TRMT61A: variants seen among roughly 807,000 people sequenced by gnomAD.
TRMT61A encodes tRNA methyltransferase 61A.
Under a neutral mutation model 21.3 loss-of-function variants are expected in TRMT61A, and 15 were observed. The ratio of observed to expected loss-of-function variants is 0.70; its 90% CI spans 0.47 to 1.08. The LOEUF (loss-of-function observed/expected upper bound fraction) is 1.08. TRMT61A is among the 50% of genes least tolerant of loss of function. The pLI is 0.00. For missense variants in TRMT61A, 352 were observed against 426.7 expected (o/e 0.83, Z 1.54); for synonymous variants, 183 against 185.5 (o/e 0.99, Z 0.11).
rs200587171 is a variant in TRMT61A at position 103,534,551 on chromosome 14, C to T, written c.600C>T (p.Gly200=). 2.3e-4 allele frequency: 360 copies of T among 1,551,624 alleles called. No homozygotes were observed. The East Asian group carries it at 7.1e-3, about 30-fold the overall frequency. Residue 200 remains glycine (G), a splice_region_variant and synonymous_variant, in exon 4 of 4, where the codon GGC becomes GGT. Transcript: ENST00000389749. ...GHAWDALKVE[G]GRFCSFSPCI... The stretch of plus-strand genomic sequence containing the variant: ...ACCCTCGGGTCCTGTTTCCCACAGG[C>T]GGGCGCTTCTGCTCCTTCTCACCGT...
At chr14:103,534,404 T>C (rs1238491132) in intron 3 of TRMT61A, 146 bp from the exon 4 acceptor site, 2 of 955,996 alleles carry the variant, frequency 2.1e-6, no homozygotes, top group African/African-American at 3.4e-5. Flanking sequence ...TGCCCTGCAG[T>C]CCCAGCTCTT....
chr14:103,533,177 C>T (rs1390174856), intron 3 of TRMT61A, among the ~76,000 whole-genome samples: 1 of 152,224 alleles, frequency 6.6e-6, no homozygotes, highest in African/African-American at 2.4e-5. Flanking sequence ...CAAAACCTCT[C>T]CTCCCCCAGG....
chr14:103,534,516 CT>C, intron 3 of TRMT61A, 33 bp from the exon 4 acceptor site: 1 of 1,531,394 alleles, frequency 6.5e-7, no homozygotes, highest in Non-Finnish European at 8.8e-7. Context: ...TCTGCCACCC[CT>C]GCCCTCTGAC....
Position 103,532,619 on chromosome 14 carries a change from C to T in TRMT61A, c.369C>T (p.Arg123=), listed in dbSNP as rs2075958388. The change falls in exon 3 of 4, where the codon CGC becomes CGT. Residue 123 remains arginine, a synonymous_variant. Transcript: ENST00000389749. ...GCTCTGTGTCCCACGCCATCATCCG[C>T]ACCATTGCACCCACGGGTCACCTGC... The part of the protein sequence containing the change: ...GSGSVSHAII[R]TIAPTGHLHT... 1 of 1,613,338 alleles carries T rather than the reference C, an allele frequency of 6.2e-7. No individual in the cohort carries two copies. The highest frequency in any genetic ancestry group is 1.1e-5 in the South Asian group (1 of 91,092).
At chr14:103,530,819 A>G (rs1397072114) in intron 2 of TRMT61A, among the ~76,000 whole-genome samples, 1 of 152,224 alleles carries the variant, frequency 6.6e-6, no homozygotes, top group Non-Finnish European at 1.5e-5. Flanking sequence ...ACCCCTGCAC[A>G]TATACAGGTG....
chr14:103,530,109 G>T lies in TRMT61A; in HGVS notation c.131G>T (p.Arg44Leu). ...ACCCAGACCCGGCATGGTGTCCTGC[G>T]GCACTCAGTTGACCTTATCGGCCGC... is the stretch of plus-strand genomic sequence containing the variant. ...AQTQTRHGVL[R>L]HSVDLIGRPF... Residue 44 changes from arginine to leucine, a missense_variant, in exon 2 of 4, where the codon CGG (arginine) becomes CTG (leucine). Physicochemically the swap from Arg to Leu is moderately radical, Grantham distance 102. Transcript: ENST00000389749. The T allele has an allele frequency of 6.2e-7, 1 of 1,612,994 alleles. No homozygotes were observed. The highest frequency in any genetic ancestry group is 1.1e-5 in the South Asian group (1 of 91,088).
At chr14:103,529,672 T>C (rs1398675613) in intron 1 of TRMT61A, among the ~76,000 whole-genome samples, 2 of 152,270 alleles carry the variant, frequency 1.3e-5, no homozygotes, top group African/African-American at 4.8e-5. Context: ...CCGGGAATCC[T>C]TGGGACCGAA....
chr14:103,530,217 T>C lies in TRMT61A; in HGVS notation c.239T>C (p.Leu80Pro). The change falls in exon 2 of 4, where the codon CTG becomes CCG. Residue 80 changes from leucine (L) to proline (P), a missense_variant. Physicochemically the swap from Leu to Pro is moderately conservative, Grantham distance 98. Transcript: ENST00000389749. ...HPTPELWTLNLPHRTQILYST... is the reference protein window; with the variant it reads ...HPTPELWTLNPPHRTQILYST... ...ACGCCCGAGCTCTGGACGCTGAACC[T>C]GCCGCACCGCACGCAGATCCTCTAC... 6.2e-7 allele frequency: 1 copy of C among 1,612,082 alleles called. No homozygotes were observed. The highest frequency in any genetic ancestry group is 2.2e-5 in the East Asian group (1 of 44,830).
rs955138783 is a variant in TRMT61A at position 103,534,362 on chromosome 14, T to G, written c.599-188T>G. 4.6e-5 allele frequency among the ~76,000 whole-genome samples: 7 copies of G among 152,262 alleles called. No homozygotes were observed. The East Asian group carries it at 1.2e-3, about 25-fold the overall frequency. ...ACATGAACAGCGGCGCCAGGCCCCA[T>G]GGGGGGCTGTCAGTTGAGGGCCAGG... On this transcript the variant is annotated intron_variant, in intron 3 of 3. Transcript: ENST00000389749.
In TRMT61A at chr14:103,530,283, G is replaced by A. The variant is rs754918409; in HGVS notation, c.305G>A (p.Arg102Gln). The change falls in exon 2 of 4, where the codon CGG (arginine) becomes CAG (glutamine). Residue 102 changes from arginine (R) to glutamine (Q), a missense_variant. Arg to Gln is a conservative substitution (Grantham distance 43). Transcript: ENST00000389749. ...IALITMMLEL[R>Q]PGSVVCESGT... ...CTCATCACCATGATGTTGGAGCTTC[G>A]GCCCGGCTCTGTGGTCTGTGAGTCT... The A allele has an allele frequency of 3.1e-6, 5 of 1,591,466 alleles. No individual in the cohort carries two copies. Among genetic ancestry groups the A allele is most frequent in the Non-Finnish European group, 4.3e-6 (5 of 1,162,098 alleles).
Position 103,532,858 on chromosome 14 carries a change from G to T in TRMT61A, c.598+10G>T. The T allele has an allele frequency of 1.3e-6, 2 of 1,539,548 alleles. No individual in the cohort carries two copies. The highest frequency in any genetic ancestry group is 1.8e-6 in the Non-Finnish European group (2 of 1,139,126). On this transcript the variant is annotated intron_variant, in intron 3 of 3. Coordinates refer to ENST00000389749, the MANE Select transcript of TRMT61A (RefSeq NM_152307.3). ...GCCCTCAAGGTCGAAGGTGCATCCG[G>T]GGTTCCGGGAGAGGTACAGCCTGGG... is the stretch of plus-strand genomic sequence containing the variant.
In TRMT61A at chr14:103,530,091, C is replaced by A; in HGVS notation, c.113C>A (p.Thr38Asn). ...GTGCAGCGTGGGGCACAGACCCAGA[C>A]CCGGCATGGTGTCCTGCGGCACTCA... Reference protein sequence around the residue: ...VRVQRGAQTQTRHGVLRHSVD... With the variant: ...VRVQRGAQTQNRHGVLRHSVD... The change falls in exon 2 of 4, where the codon ACC becomes AAC. Residue 38 changes from threonine (T) to asparagine (N), a missense_variant. Coordinates refer to ENST00000389749, the MANE Select transcript of TRMT61A (RefSeq NM_152307.3). The A allele has an allele frequency of 6.2e-7, 1 of 1,613,032 alleles. No individual in the cohort carries two copies. Among genetic ancestry groups the A allele is most frequent in the Non-Finnish European group, 8.5e-7 (1 of 1,180,006 alleles).
Position 103,535,429 on chromosome 14 carries a change from C to A in TRMT61A, c.*608C>A. On this transcript the variant is annotated 3_prime_UTR_variant, in exon 4 of 4. Coordinates refer to ENST00000389749, the MANE Select transcript of TRMT61A (RefSeq NM_152307.3). The stretch of plus-strand genomic sequence containing the variant: ...TCCTGGCTGATGTCACAGCACTGAG[C>A]TCAGCCCAGGCCTTCGTCCACTCAT... 2.3e-6 allele frequency: 1 copy of A among 441,600 alleles called. No individual in the cohort carries two copies. The highest frequency in any genetic ancestry group is 4.5e-6 in the Non-Finnish European group (1 of 220,626). 27.4% of individuals were successfully genotyped at this position (441,600 alleles called of 1,614,324 possible).
chr14:103,534,067 C>T (rs894720660), intron 3 of TRMT61A, among the ~76,000 whole-genome samples: 7 of 152,188 alleles, frequency 4.6e-5, no homozygotes, highest in African/African-American at 9.7e-5. Context: ...TGGTGGGAGG[C>T]GGCAGGGAGG....
chr14:103,532,885 G>T (rs1180053445), intron 3 of TRMT61A, 37 bp downstream of exon 3: 2 of 1,513,016 alleles, frequency 1.3e-6, no homozygotes, highest in South Asian at 1.3e-5. Flanking sequence ...CAGCCTGGGT[G>T]GGGGTGGGGC....
chr14:103,534,523 C>G, intron 3 of TRMT61A, 27 bp from the exon 4 acceptor site: 4 of 1,535,672 alleles, frequency 2.6e-6, no homozygotes, highest in Non-Finnish European at 3.5e-6. Flanking sequence ...CCCCTGCCCT[C>G]TGACCCTCGG....
chr14:103,529,846 G>A, intron 1 of TRMT61A, 104 bp from the exon 2 acceptor site: 2 of 827,320 alleles, frequency 2.4e-6, no homozygotes, highest in South Asian at 1.8e-5. Context: ...GCCACACCCC[G>A]CCCATGCCCA....
chr14:103,533,348 C>A (rs1260866951), intron 3 of TRMT61A, among the ~76,000 whole-genome samples: 1 of 152,222 alleles, frequency 6.6e-6, no homozygotes, highest in African/African-American at 2.4e-5. Context: ...GGGCCCCTTC[C>A]TTCTTCCCAG....
chr14:103,534,562 G>A lies in TRMT61A; in HGVS notation c.611G>A (p.Cys204Tyr). Reference protein sequence around the residue: ...DALKVEGGRFCSFSPCIEQVQ... With the variant: ...DALKVEGGRFYSFSPCIEQVQ... ...CTGTTTCCCACAGGCGGGCGCTTCTGCTCCTTCTCACCGTGCATCGAGCAG... is the reference window on the plus strand; with the variant it reads ...CTGTTTCCCACAGGCGGGCGCTTCTACTCCTTCTCACCGTGCATCGAGCAG... Residue 204 changes from cysteine to tyrosine, a missense_variant, in exon 4 of 4, where the codon TGC becomes TAC. By Grantham distance (194) the Cys-to-Tyr change is radical. Coordinates refer to ENST00000389749, the MANE Select transcript of TRMT61A (RefSeq NM_152307.3). The A allele has an allele frequency of 6.4e-7, 1 of 1,564,122 alleles. No homozygotes were observed. Among genetic ancestry groups the A allele is most frequent in the Non-Finnish European group, 8.7e-7 (1 of 1,149,012 alleles).
Sources: gnomAD v4.1 joint callset for allele counts (sites outside exome capture counted in the v4.1 genomes callset) on GRCh38, gnomAD v4.1.1 for gene constraint, MANE v1.5 for transcripts, NCBI Gene and HGNC (gene_info 2026-07-23, HGNC 2026-07-21) for gene names.